Variants in GRIA1 observed in about 807,000 individuals in gnomAD.
GRIA1 encodes glutamate receptor 1.
A neutral mutation model predicts 99.2 loss-of-function variants in GRIA1; 31 were observed. The observed-to-expected ratio is 0.31, with a 90% CI of 0.23 to 0.42. The LOEUF is 0.42. Among genes scored for constraint, GRIA1 ranks in the 10% least tolerant of loss-of-function variants. The pLI is 1.00. For synonymous variants in GRIA1, 438 were observed against 432.4 expected (o/e 1.01, Z -0.16); for missense variants, 782 against 1,157.5 (o/e 0.68, Z 4.71).
chr5:153,514,690 C>A (rs964191251), intron 2 of GRIA1, among the ~76,000 whole-genome samples: 2 of 152,106 alleles, frequency 1.3e-5, no homozygotes, highest in African/African-American at 2.4e-5. Flanking sequence ...TAGTTCCATA[C>A]AAATTTTGGG....
intron 13 of GRIA1, among the ~76,000 whole-genome samples, chr5:153,780,509 G>A (rs1189109054): frequency 6.6e-6 from 1 of 152,184 alleles, no homozygotes; most frequent in Non-Finnish European, 1.5e-5. Context: ...GGTAACTCTG[G>A]CATTTATTTC....
intron 2 of GRIA1, among the ~76,000 whole-genome samples, chr5:153,586,587 G>A (rs569704669): frequency 1.4e-4 from 21 of 152,248 alleles, no homozygotes; most frequent in Admixed American, 5.2e-4. Flanking sequence ...AACAAAAGGG[G>A]AATAATGCAC....
At chr5:153,494,192 C>T (rs555283690) in intron 2 of GRIA1, 127 bp downstream of exon 2, 2 of 996,588 alleles carry the variant, frequency 2.0e-6, no homozygotes, top group South Asian at 3.3e-5. Context: ...AGAAAGCCCT[C>T]CAAGAAAAAT....
chr5:153,586,876 T>G (rs1763530506), intron 2 of GRIA1, among the ~76,000 whole-genome samples: 1 of 152,224 alleles, frequency 6.6e-6, no homozygotes, highest in Non-Finnish European at 1.5e-5. Flanking sequence ...GATATTTCAG[T>G]ACACAAGAAA....
At chr5:153,706,326 T>G (rs1399530205) in intron 11 of GRIA1, among the ~76,000 whole-genome samples, 3 of 152,084 alleles carry the variant, frequency 2.0e-5, no homozygotes, top group Non-Finnish European at 4.4e-5. Context: ...GACTGATGCG[T>G]TGTAGCTGAA....
intron 8 of GRIA1, 23 bp from the exon 9 acceptor site, chr5:153,698,021 C>T: frequency 7.3e-7 from 1 of 1,378,704 alleles, no homozygotes; most frequent in South Asian, 1.2e-5. Flanking sequence ...CACCTGACAC[C>T]TCCACTCTCT....
intron 7 of GRIA1, among the ~76,000 whole-genome samples, chr5:153,678,495 C>T (rs531024600): frequency 5.3e-5 from 8 of 152,286 alleles, no homozygotes; most frequent in Non-Finnish European, 7.4e-5. Context: ...GCTCCCAAGT[C>T]ACTAGGCAGC....
intron 2 of GRIA1, among the ~76,000 whole-genome samples, chr5:153,535,255 A>G (rs978285094): frequency 6.6e-6 from 1 of 152,200 alleles, no homozygotes; most frequent in African/African-American, 2.4e-5. Context: ...TTGTTAGGAT[A>G]AGGTGGGTAA....
intron 1 of GRIA1, 48 bp downstream of exon 1, chr5:153,491,018 G>T (rs757788047): frequency 6.4e-7 from 1 of 1,552,572 alleles, no homozygotes; most frequent in South Asian, 1.1e-5. Flanking sequence ...TCTGGCCAGG[G>T]ATTTTTTTGG....
chr5:153,578,267 A>G (rs907255514), intron 2 of GRIA1, among the ~76,000 whole-genome samples: 22 of 152,206 alleles, frequency 1.4e-4, no homozygotes, highest in African/African-American at 5.1e-4. Flanking sequence ...ACATGAAGGT[A>G]TTCGTTTAAA....
At chr5:153,646,593 G>A (rs1387084871) in intron 2 of GRIA1, among the ~76,000 whole-genome samples, 1 of 152,164 alleles carries the variant, frequency 6.6e-6, no homozygotes, top group Non-Finnish European at 1.5e-5. Flanking sequence ...AGATGAAAGT[G>A]TCTTATATAC....
intron 11 of GRIA1, among the ~76,000 whole-genome samples, chr5:153,723,172 C>G (rs530518964): frequency 5.3e-5 from 8 of 152,284 alleles, no homozygotes; most frequent in African/African-American, 1.9e-4. Context: ...AACATGGTTG[C>G]TTTTATTGAC....
At chr5:153,755,256 G>A (rs577852169) in intron 11 of GRIA1, 1 of 152,294 alleles carries the variant, frequency 6.6e-6, no homozygotes, top group South Asian at 2.1e-4. Flanking sequence ...CAATTAATAT[G>A]TTTCAAAAGA....
chr5:153,597,836 C>T (rs532486650), intron 2 of GRIA1, among the ~76,000 whole-genome samples: 6 of 129,178 alleles, frequency 4.6e-5, no homozygotes, highest in African/African-American at 1.2e-4. Flanking sequence ...GGCAAGACCC[C>T]GTCTCTAAAA....
chr5:153,720,444 C>T (rs1759976263), intron 11 of GRIA1, among the ~76,000 whole-genome samples: 1 of 152,160 alleles, frequency 6.6e-6, no homozygotes, highest in African/African-American at 2.4e-5. Flanking sequence ...AAAATAAGCC[C>T]AGTCACTGCC....
chr5:153,613,172 A>G (rs1217092658), intron 2 of GRIA1, among the ~76,000 whole-genome samples: 1 of 152,020 alleles, frequency 6.6e-6, no homozygotes, highest in African/African-American at 2.4e-5. Context: ...TCCTTTCCTA[A>G]TGTAATTCTG....
At chr5:153,718,727 C>G (rs547112065) in intron 11 of GRIA1, among the ~76,000 whole-genome samples, 1 of 152,248 alleles carries the variant, frequency 6.6e-6, no homozygotes, top group South Asian at 2.1e-4. Flanking sequence ...ATCCCTGGTC[C>G]CCCACCAATC....
intron 2 of GRIA1, among the ~76,000 whole-genome samples, chr5:153,512,420 C>A (rs1756183695): frequency 6.6e-6 from 1 of 152,190 alleles, no homozygotes; most frequent in Admixed American, 6.5e-5. Flanking sequence ...ACTTGGATTT[C>A]ATCATCAAAC....
chr5:153,555,523 T>C (rs1370893186), intron 2 of GRIA1, among the ~76,000 whole-genome samples: 1 of 152,206 alleles, frequency 6.6e-6, no homozygotes, highest in Non-Finnish European at 1.5e-5. Flanking sequence ...GATTGTTACA[T>C]AACCACTTCT....
Sources: allele counts gnomAD v4.1 joint callset (sites outside exome capture counted in the v4.1 genomes callset), GRCh38; gene constraint gnomAD v4.1.1; transcripts MANE v1.5; gene names NCBI Gene and HGNC (gene_info 2026-07-23, HGNC 2026-07-21).